Variants in UVRAG observed in about 807,000 individuals in gnomAD.
UVRAG encodes UV radiation resistance-associated gene protein.
UVRAG carries 19 observed loss-of-function variants against 78.0 expected under a neutral mutation model. The ratio of observed to expected loss-of-function variants is 0.24; its 90% confidence interval spans 0.17 to 0.36. UVRAG has a LOEUF of 0.36. Ranked by LOEUF, UVRAG falls within the 10% of genes least tolerant of loss-of-function variation. The pLI, the probability that UVRAG is intolerant of heterozygous loss-of-function variation, is 1.00. For synonymous variants in UVRAG, 323 were observed against 324.6 expected, an observed-to-expected ratio of 1.00 and a Z score of 0.05; for missense variants, 740 against 853.8, an observed-to-expected ratio of 0.87 and a Z score of 1.66.
intron 7 of UVRAG, among the ~76,000 whole-genome samples, chr11:75,970,088 T>C (rs1277233514): frequency 2.6e-5 from 4 of 152,218 alleles, no homozygotes; most frequent in Admixed American, 2.6e-4. Flanking sequence ...TTAGTGACAC[T>C]GATAAAGACT....
intron 12 of UVRAG, among the ~76,000 whole-genome samples, chr11:76,050,265 C>CAAGA (rs1330159407): frequency 6.6e-6 from 1 of 152,130 alleles, no homozygotes; most frequent in Non-Finnish European, 1.5e-5. Context: ...ATATTAAAAC[C>CAAGA]AAGAAAGAAA....
intron 3 of UVRAG, among the ~76,000 whole-genome samples, chr11:75,867,597 A>G (rs868524968): frequency 3.9e-5 from 6 of 152,172 alleles, no homozygotes; most frequent in African/African-American, 1.2e-4. Context: ...ACACTCTCCT[A>G]TATGTCTTTT....
chr11:75,972,676 A>G (rs919825880), intron 7 of UVRAG, among the ~76,000 whole-genome samples: 1 of 152,182 alleles, frequency 6.6e-6, no homozygotes, highest in Non-Finnish European at 1.5e-5. Context: ...GTAATTCTAG[A>G]CATTGGCTAC....
chr11:75,901,423 C>T (rs1314271748), intron 5 of UVRAG, among the ~76,000 whole-genome samples: 1 of 152,156 alleles, frequency 6.6e-6, no homozygotes, highest in Non-Finnish European at 1.5e-5. Flanking sequence ...CACCTCCAGT[C>T]TAGATTTCCA....
At chr11:76,027,436 T>C (rs922750590) in intron 12 of UVRAG, among the ~76,000 whole-genome samples, 3 of 152,152 alleles carry the variant, frequency 2.0e-5, no homozygotes, top group Admixed American at 2.0e-4. Flanking sequence ...GCAAAATGCA[T>C]CTCTTTTTTT....
chr11:76,069,922 T>C (rs965390881), intron 13 of UVRAG, among the ~76,000 whole-genome samples: 1 of 152,178 alleles, frequency 6.6e-6, no homozygotes, highest in Non-Finnish European at 1.5e-5. Context: ...ACAAAAACTA[T>C]TTTGCACATC....
At chr11:75,895,727 T>A (rs909228408) in intron 5 of UVRAG, among the ~76,000 whole-genome samples, 3 of 152,134 alleles carry the variant, frequency 2.0e-5, no homozygotes, top group Non-Finnish European at 4.4e-5. Flanking sequence ...TCCTCCTACC[T>A]TGGCCTCCCG....
intron 1 of UVRAG, among the ~76,000 whole-genome samples, chr11:75,825,932 G>A (rs1945500273): frequency 6.6e-6 from 1 of 151,932 alleles, no homozygotes; most frequent in African/African-American, 2.4e-5. Flanking sequence ...CACCTCCTGG[G>A]TTCAAGCGAT....
intron 11 of UVRAG, among the ~76,000 whole-genome samples, chr11:76,015,834 G>T (rs572899941): frequency 1.3e-4 from 20 of 152,270 alleles, no homozygotes; most frequent in African/African-American, 4.8e-4. Flanking sequence ...AATAGTCAAG[G>T]CATGGTCATT....
intron 6 of UVRAG, among the ~76,000 whole-genome samples, chr11:75,959,169 G>T (rs953243760): frequency 1.3e-5 from 2 of 152,162 alleles, no homozygotes; most frequent in Admixed American, 1.3e-4. Flanking sequence ...ATCAGCAGCT[G>T]CATTAACCCC....
At chr11:75,960,096 T>C (rs1235192793) in intron 6 of UVRAG, among the ~76,000 whole-genome samples, 1 of 152,036 alleles carries the variant, frequency 6.6e-6, no homozygotes, top group African/African-American at 2.4e-5. Flanking sequence ...TGAGATATTG[T>C]GAGAATTACC....
chr11:76,019,773 C>T (rs1950208870), intron 12 of UVRAG, among the ~76,000 whole-genome samples: 1 of 152,214 alleles, frequency 6.6e-6, no homozygotes, highest in South Asian at 2.1e-4. Context: ...TTCCCTGGTT[C>T]AGACCTGATG....
chr11:76,043,744 A>T (rs1320768385), intron 12 of UVRAG, among the ~76,000 whole-genome samples: 1 of 152,186 alleles, frequency 6.6e-6, no homozygotes, highest in African/African-American at 2.4e-5. Context: ...TGAGATAGTA[A>T]CCATGCTCAA....
At chr11:75,907,290 T>C (rs1287736483) in intron 5 of UVRAG, among the ~76,000 whole-genome samples, 10 of 152,288 alleles carry the variant, frequency 6.6e-5, no homozygotes, top group Middle Eastern at 3.4e-3. Flanking sequence ...TTGTTTTTGA[T>C]ATTGGGGGAA....
At chr11:75,986,509 C>G (rs1399076502) in intron 8 of UVRAG, among the ~76,000 whole-genome samples, 4 of 151,986 alleles carry the variant, frequency 2.6e-5, no homozygotes, top group African/African-American at 9.7e-5. Flanking sequence ...TATTTACATT[C>G]TAATTTAGTT....
chr11:75,975,084 G>T (rs1275396088), intron 7 of UVRAG, among the ~76,000 whole-genome samples: 1 of 152,154 alleles, frequency 6.6e-6, no homozygotes, highest in Non-Finnish European at 1.5e-5. Context: ...TCCAGTTTCA[G>T]CTTTTGACAT....
In UVRAG at chr11:76,128,708, C is replaced by T. The variant is rs881381; in HGVS notation, c.1398-12003C>T. 9.6e-3 allele frequency among the ~76,000 whole-genome samples: 1,469 copies of T among 152,250 alleles called. 23 individuals are homozygous for T. Among genetic ancestry groups the T allele is most frequent in the African/African-American group, 0.034 (1,394 of 41,528 alleles). Reference sequence around the variant, plus strand: ...CATAGCTCACTGCAACCTCGAACTCCTGGGCTCAAGTGATTCCCCCCACCT... The same window carrying T: ...CATAGCTCACTGCAACCTCGAACTCTTGGGCTCAAGTGATTCCCCCCACCT... On this transcript the variant is annotated intron_variant, in intron 14 of 14. Coordinates refer to ENST00000356136, the MANE Select transcript of UVRAG (RefSeq NM_003369.4).
At chr11:76,103,450 T>A (rs564798956) in intron 13 of UVRAG, among the ~76,000 whole-genome samples, 21 of 152,300 alleles carry the variant, frequency 1.4e-4, no homozygotes, top group African/African-American at 5.1e-4. Context: ...TTACTTTTTG[T>A]TAAATGAATT....
chr11:76,107,566 A>C (rs551270078), intron 13 of UVRAG, among the ~76,000 whole-genome samples: 4 of 152,216 alleles, frequency 2.6e-5, no homozygotes, highest in Non-Finnish European at 1.5e-5. Context: ...TTTGGAAAAG[A>C]CTGGCACGTG....
Sources: gnomAD v4.1 joint callset for allele counts (sites outside exome capture counted in the v4.1 genomes callset) on GRCh38, gnomAD v4.1.1 for gene constraint, MANE v1.5 for transcripts, NCBI Gene and HGNC (gene_info 2026-07-23, HGNC 2026-07-21) for gene names.